The following DOCK2 variants were observed in gnomAD, a reference collection of about 807,000 sequenced individuals.
DOCK2 encodes the protein dedicator of cytokinesis protein 2.
DOCK2 carries 87 observed loss-of-function variants against 248.9 expected under a neutral mutation model. That is an observed-to-expected ratio of 0.35 (90% CI 0.29 to 0.42). The LOEUF (loss-of-function observed/expected upper bound fraction) is 0.42, where lower values mean the gene tolerates loss of function less well. Among genes scored for constraint, DOCK2 ranks in the 10% least tolerant of loss-of-function variants. The pLI, the probability that DOCK2 is intolerant of heterozygous loss-of-function variation, is 1.00. For synonymous variants in DOCK2, 805 were observed against 821.6 expected, an observed-to-expected ratio of 0.98 and a Z score of 0.35; for missense variants, 1,747 against 2,300.2, an observed-to-expected ratio of 0.76 and a Z score of 4.92.
chr5:169,887,477 G>T (rs1323986314), intron 27 of DOCK2, among the ~76,000 whole-genome samples: 1 of 152,114 alleles, frequency 6.6e-6, no homozygotes, highest in East Asian at 1.9e-4. Flanking sequence ...CACAGAAATT[G>T]CATACACAGA....
At position 170,027,911 on chromosome 5, in the gene DOCK2, C is replaced by T; in HGVS notation, c.3430C>T (p.Arg1144Ter). Reference sequence around the variant, plus strand: ...GCTGGACCACGAGGTAGAAGGGGGCCGAGGCGACGAGCAGTACATGCAGCT... The same window carrying T: ...GCTGGACCACGAGGTAGAAGGGGGCTGAGGCGACGAGCAGTACATGCAGCT... Reference protein sequence around the residue: ...LKLDHEVEGGRGDEQYMQLLE... With the variant: ...LKLDHEVEGG Residue 1144 changes from arginine (R) to a stop codon, truncating the protein, a stop_gained, in exon 34 of 52, where the codon CGA (arginine) becomes TGA (stop). Transcript: ENST00000520908. LOFTEE classifies it high-confidence loss of function. The T allele has an allele frequency of 6.2e-7, 1 of 1,613,084 alleles. No individual in the cohort carries two copies. Among genetic ancestry groups the T allele is most frequent in the Non-Finnish European group, 8.5e-7 (1 of 1,179,396 alleles).
At chr5:169,955,745 C>T (rs2113734229) in intron 27 of DOCK2, among the ~76,000 whole-genome samples, 1 of 152,266 alleles carries the variant, frequency 6.6e-6, no homozygotes, top group Middle Eastern at 3.4e-3. Context: ...GTTTCTTCAT[C>T]TGTGTAATGG....
intron 27 of DOCK2, among the ~76,000 whole-genome samples, chr5:169,942,102 T>C (rs1776266819): frequency 6.6e-6 from 1 of 152,368 alleles, no homozygotes; most frequent in South Asian, 2.1e-4. Context: ...TTTTTCTTTA[T>C]TGACCTTTTC....
chr5:169,756,659 C>G (rs566121337), intron 23 of DOCK2, among the ~76,000 whole-genome samples: 1 of 152,270 alleles, frequency 6.6e-6, no homozygotes, highest in South Asian at 2.1e-4. Context: ...GGCATGGTGG[C>G]TCATGCCTGT....
intron 37 of DOCK2, 56 bp downstream of exon 37, chr5:170,041,201 G>A: frequency 6.9e-7 from 1 of 1,454,992 alleles, no homozygotes; most frequent in Non-Finnish European, 9.7e-7. Context: ...GGGCCTCACA[G>A]CAAGTTGAAG....
intron 39 of DOCK2, among the ~76,000 whole-genome samples, chr5:170,047,023 A>G (rs1581554730): frequency 6.6e-6 from 1 of 152,206 alleles, no homozygotes; most frequent in South Asian, 2.1e-4. Context: ...AGATGTTAAA[A>G]TACGAAAAAC....
intron 13 of DOCK2, 21 bp from the exon 14 acceptor site, chr5:169,702,282 C>T (rs1433808421): frequency 6.2e-7 from 1 of 1,610,734 alleles, no homozygotes; most frequent in Non-Finnish European, 8.5e-7. Flanking sequence ...TAACTCTTGT[C>T]TCTCTCTCCC....
chr5:169,874,475 G>A (rs1005184995), intron 27 of DOCK2, among the ~76,000 whole-genome samples: 4 of 151,530 alleles, frequency 2.6e-5, no homozygotes, highest in Admixed American at 6.6e-5. Context: ...GAAAATGAGC[G>A]GGTGGTGGTG....
At chr5:169,772,843 C>T (rs939124300) in intron 25 of DOCK2, 8 of 152,146 alleles carry the variant, frequency 5.3e-5, no homozygotes, top group East Asian at 1.9e-4. Flanking sequence ...AGGGATGAGG[C>T]CATTTTATAG....
At chr5:169,955,435 C>T (rs191803158) in intron 27 of DOCK2, among the ~76,000 whole-genome samples, 2 of 152,282 alleles carry the variant, frequency 1.3e-5, no homozygotes, top group East Asian at 3.9e-4. Context: ...GGAGGATGCG[C>T]CCCTGGACAG....
chr5:169,882,201 G>A (rs986734540), intron 27 of DOCK2, among the ~76,000 whole-genome samples: 5 of 152,064 alleles, frequency 3.3e-5, no homozygotes, highest in African/African-American at 1.2e-4. Context: ...AAGAGGAGGG[G>A]GATGGGGAAG....
At chr5:170,062,111 G>A (rs1451751436) in intron 44 of DOCK2, among the ~76,000 whole-genome samples, 1 of 150,322 alleles carries the variant, frequency 6.7e-6, no homozygotes, top group African/African-American at 2.5e-5. Context: ...GTGTGTGTGT[G>A]TGTGTGTGTG....
At chr5:169,905,038 G>A (rs1413833601) in intron 27 of DOCK2, among the ~76,000 whole-genome samples, 2 of 152,186 alleles carry the variant, frequency 1.3e-5, no homozygotes, top group Non-Finnish European at 2.9e-5. Flanking sequence ...TAGTAGTCAT[G>A]ACACTCTCAT....
chr5:169,967,676 A>G (rs898979177), intron 27 of DOCK2, among the ~76,000 whole-genome samples: 3 of 152,194 alleles, frequency 2.0e-5, no homozygotes, highest in African/African-American at 7.2e-5. Flanking sequence ...TGACTGCAAC[A>G]GGGAGAATTG....
At chr5:169,874,956 T>C (rs1342526602) in intron 27 of DOCK2, among the ~76,000 whole-genome samples, 1 of 152,128 alleles carries the variant, frequency 6.6e-6, no homozygotes, top group Non-Finnish European at 1.5e-5. Context: ...TCCCTCGCCC[T>C]TGCCTCCATT....
chr5:169,844,022 A>G (rs934115185), intron 27 of DOCK2, among the ~76,000 whole-genome samples: 7 of 152,204 alleles, frequency 4.6e-5, no homozygotes, highest in Non-Finnish European at 1.5e-5. Context: ...ACATTCACAA[A>G]CAAGTGTTGT....
At chr5:169,805,668 T>C (rs532843943) in intron 26 of DOCK2, among the ~76,000 whole-genome samples, 3 of 152,338 alleles carry the variant, frequency 2.0e-5, no homozygotes, top group Admixed American at 2.0e-4. Flanking sequence ...CCTAGAGCTC[T>C]ACCCTGACAG....
intron 8 of DOCK2, among the ~76,000 whole-genome samples, chr5:169,685,864 G>T (rs940346835): frequency 2.6e-5 from 4 of 152,180 alleles, no homozygotes; most frequent in Non-Finnish European, 4.4e-5. Context: ...CAGCAGAGCT[G>T]GGATTTATAT....
rs550039123 is a variant in DOCK2 at position 170,082,841 on chromosome 5, C to T, written c.5476C>T (p.Leu1826=). The part of the protein sequence containing the change: ...AEEGKQIPDS[L]STDL ...AGAAGGCAAACAGATCCCAGACTCG[C>T]TGTCCACGGACCTGTGAGCTGCTGC... Residue 1826 remains leucine (L), a synonymous_variant, in exon 52 of 52, where the codon CTG becomes TTG. Coordinates refer to ENST00000520908, the MANE Select transcript of DOCK2 (RefSeq NM_004946.3). 202 of 1,614,240 alleles carry T rather than the reference C, an allele frequency of 1.3e-4. 3 individuals are homozygous for T. The South Asian group carries it at 2.0e-3, about 16-fold the overall frequency.
Sources: allele counts gnomAD v4.1 joint callset (sites outside exome capture counted in the v4.1 genomes callset), GRCh38; gene constraint gnomAD v4.1.1; transcripts MANE v1.5; gene names NCBI Gene and HGNC (gene_info 2026-07-23, HGNC 2026-07-21).